Variants in ABL1 observed in about 807,000 individuals in gnomAD.
The protein encoded by ABL1 is ABL proto-oncogene 1, non-receptor tyrosine kinase.
A neutral mutation model predicts 94.7 loss-of-function variants in ABL1; 11 were observed. That is an observed-to-expected ratio of 0.12 (90% CI 0.07 to 0.19). The LOEUF is 0.19. Ranked by LOEUF, ABL1 falls within the 10% of genes least tolerant of loss-of-function variation. The probability of loss-of-function intolerance (pLI) is 1.00; values close to 1 mark genes in which losing one functional copy is unlikely to be tolerated. For synonymous variants in ABL1, 656 were observed against 622.4 expected (o/e 1.05, Z -0.80); for missense variants, 1,082 against 1,489.4 (o/e 0.73, Z 4.50).
intron 1 of ABL1, among the ~76,000 whole-genome samples, chr9:130,849,946 C>T (rs1217302991): frequency 7.9e-5 from 12 of 152,158 alleles, no homozygotes; most frequent in Non-Finnish European, 1.8e-4. Flanking sequence ...CTCTGCCTCA[C>T]AGTTTTTCTA....
intron 7 of ABL1, among the ~76,000 whole-genome samples, chr9:130,877,222 G>A (rs753162513): frequency 1.4e-5 from 2 of 148,044 alleles, no homozygotes; most frequent in South Asian, 2.1e-4. Context: ...CATGACGTCC[G>A]CGCCCTCAAA....
Position 130,869,176 on chromosome 9 carries a change from A to G in ABL1, c.823-2953A>G, listed in dbSNP as rs868090716. On this transcript the variant is annotated intron_variant, in intron 4 of 10. Coordinates refer to ENST00000318560, the MANE Select transcript of ABL1 (RefSeq NM_005157.6). ...AGCAAGACTCCGTCTCAAAAAAAAA[A>G]AGAAAATACCTGTGAGATGTTGAGT... 5.2e-3 allele frequency among the ~76,000 whole-genome samples: 792 copies of G among 152,296 alleles called. 8 individuals are homozygous for G. Among genetic ancestry groups the G allele is most frequent in the African/African-American group, 0.018 (762 of 41,550 alleles).
intron 1 of ABL1, among the ~76,000 whole-genome samples, chr9:130,770,185 C>CT (rs918186048): frequency 6.9e-5 from 10 of 145,380 alleles, no homozygotes; most frequent in South Asian, 4.3e-4. Flanking sequence ...CTCTCTCTCT[C>CT]TTTTTTTTTT....
chr9:130,714,079 A>G (rs896821935), exon 1 of ABL1: 3 of 393,312 alleles, frequency 7.6e-6, no homozygotes, highest in African/African-American at 2.0e-5. Flanking sequence ...TTTGGGTAAC[A>G]TTGCAATTAC....
intron 1 of ABL1, among the ~76,000 whole-genome samples, chr9:130,826,583 T>G (rs35350192): frequency 0.028 from 4,215 of 152,184 alleles, 203 homozygotes; most frequent in African/African-American, 0.096. Flanking sequence ...GTGAGCTGGT[T>G]TGCCTGTAAG....
rs1161480054 is a variant in ABL1 at position 130,809,401 on chromosome 9, AGAGAGAGAGAGAGAGAGTGTGT to A, written c.137-44661_137-44640del. Among the ~76,000 whole-genome samples the A allele has an allele frequency of 5.5e-4, 70 of 126,610 alleles. 1 individual carries two copies. The highest frequency in any genetic ancestry group is 1.9e-3 in the African/African-American group (67 of 34,850). 83.1% of individuals were successfully genotyped at this position (126,610 alleles called of 152,430 possible). A position where few individuals can be genotyped will look rare whatever the true frequency, so the allele number is the denominator to read the frequency against. ...GTTCTTGAGAGAGAGAGAGAGAGAG[AGAGAGAGAGAGAGAGAGTGTGT>A]GTGTGTGTGTGTGTGTGTGTGCACG... On this transcript the variant is annotated intron_variant, in intron 1 of 10. Coordinates refer to the ABL1 transcript ENST00000372348.
chr9:130,820,881 G>A (rs1830351625), intron 1 of ABL1, among the ~76,000 whole-genome samples: 1 of 152,052 alleles, frequency 6.6e-6, no homozygotes, highest in Non-Finnish European at 1.5e-5. Flanking sequence ...TCAATTCAAT[G>A]ATTTCTACTA....
intron 1 of ABL1, among the ~76,000 whole-genome samples, chr9:130,824,068 C>T (rs1269127292): frequency 6.6e-6 from 1 of 152,148 alleles, no homozygotes; most frequent in African/African-American, 2.4e-5. Flanking sequence ...ACACAGGAAA[C>T]AATAGGGTCT....
chr9:130,801,062 T>A (rs1407193921), intron 1 of ABL1, among the ~76,000 whole-genome samples: 1 of 151,966 alleles, frequency 6.6e-6, no homozygotes, highest in Non-Finnish European at 1.5e-5. Context: ...CCCAAGTAGC[T>A]GGGATTACAG....
chr9:130,791,968 G>A (rs568947885), intron 1 of ABL1, among the ~76,000 whole-genome samples: 11 of 152,170 alleles, frequency 7.2e-5, no homozygotes, highest in African/African-American at 2.6e-4. Flanking sequence ...TCAAGAAGAA[G>A]GGAAATGACA....
chr9:130,740,500 C>A (rs1831802299), intron 1 of ABL1, among the ~76,000 whole-genome samples: 1 of 152,244 alleles, frequency 6.6e-6, no homozygotes, highest in African/African-American at 2.4e-5. Flanking sequence ...TCTCAGCCAG[C>A]TCTTGGCTCC....
chr9:130,753,395 CTCTCA>C (rs1831993053), intron 1 of ABL1, among the ~76,000 whole-genome samples: 2 of 149,956 alleles, frequency 1.3e-5, no homozygotes, highest in Middle Eastern at 3.2e-3. Context: ...ACTTGCCTCT[CTCTCA>C]TCTCTTCTTT....
chr9:130,884,679 G>T lies in ABL1; in HGVS notation c.2389G>T (p.Val797Phe). 6.2e-7 allele frequency: 1 copy of T among 1,612,970 alleles called. No individual in the cohort carries two copies. Among genetic ancestry groups the T allele is most frequent in the Non-Finnish European group, 8.5e-7 (1 of 1,179,992 alleles). Residue 797 changes from valine (V) to phenylalanine (F), a missense_variant, in exon 11 of 11, where the codon GTC becomes TTC. Transcript: ENST00000318560. The surrounding 1 kb of genome is among the most constrained non-coding windows in gnomAD (Gnocchi z 5.6). ...AAAGAATGAGGAAGCTGCTGATGAG[G>T]TCTTCAAAGACATCATGGAGTCCAG... Reference protein sequence around the residue: ...VKKNEEAADEVFKDIMESSPG... With the variant: ...VKKNEEAADEFFKDIMESSPG...
intron 1 of ABL1, among the ~76,000 whole-genome samples, chr9:130,810,633 G>GA (rs1253632688): frequency 1.3e-5 from 2 of 151,550 alleles, no homozygotes; most frequent in African/African-American, 4.8e-5. Context: ...AAGAAACCCT[G>GA]AAAAAAATAC....
intron 1 of ABL1, among the ~76,000 whole-genome samples, chr9:130,760,327 T>C (rs1174387525): frequency 6.6e-6 from 1 of 152,148 alleles, no homozygotes; most frequent in Non-Finnish European, 1.5e-5. Context: ...CTGTTGGCCA[T>C]TAGGATTCCT....
intron 1 of ABL1, among the ~76,000 whole-genome samples, chr9:130,742,233 G>T (rs1831829312): frequency 6.6e-6 from 1 of 152,150 alleles, no homozygotes; most frequent in Non-Finnish European, 1.5e-5. Context: ...CCATTTTGGG[G>T]ATTATGCTCA....
intron 1 of ABL1, among the ~76,000 whole-genome samples, chr9:130,824,986 C>T (rs556945970): frequency 6.6e-6 from 1 of 152,298 alleles, no homozygotes; most frequent in South Asian, 2.1e-4. Context: ...AAAACCTTGA[C>T]AACAAAACAA....
chr9:130,753,601 T>C (rs1356368655), intron 1 of ABL1, among the ~76,000 whole-genome samples: 3 of 151,136 alleles, frequency 2.0e-5, no homozygotes, highest in Non-Finnish European at 4.4e-5. Context: ...AATTTTTGTA[T>C]TTTTAGTAGA....
intron 1 of ABL1, among the ~76,000 whole-genome samples, chr9:130,805,700 C>T (rs1830116447): frequency 6.6e-6 from 1 of 152,148 alleles, no homozygotes; most frequent in African/African-American, 2.4e-5. Context: ...CATGCCAACT[C>T]AAACCACAGA....
Sources: gnomAD v4.1 joint callset for allele counts (sites outside exome capture counted in the v4.1 genomes callset) on GRCh38, gnomAD v4.1.1 for gene constraint, Gnocchi (gnomAD v3.1) non-coding constraint, MANE v1.5 for transcripts, NCBI Gene and HGNC (gene_info 2026-07-23, HGNC 2026-07-21) for gene names.